Variants in GMPS observed in about 807,000 individuals in gnomAD.
The protein encoded by GMPS is GMP synthase [glutamine-hydrolyzing].
GMPS carries 15 observed loss-of-function variants against 77.9 expected under a neutral mutation model. The ratio of observed to expected loss-of-function variants is 0.19; its 90% CI spans 0.13 to 0.30. The LOEUF (loss-of-function observed/expected upper bound fraction) is 0.30, where lower values mean the gene tolerates loss of function less well. Ranked by LOEUF, GMPS falls within the 10% of genes least tolerant of loss-of-function variation. The probability of loss-of-function intolerance (pLI) is 1.00; values close to 1 mark genes in which losing one functional copy is unlikely to be tolerated. For missense variants in GMPS, 590 were observed against 838.8 expected (o/e 0.70, Z 3.66); for synonymous variants, 224 against 275.9 (o/e 0.81, Z 1.86).
At position 155,925,427 on chromosome 3, in the gene GMPS, C is replaced by A. The variant is rs186180173; in HGVS notation, c.1560+61C>A. On this transcript the variant is annotated intron_variant, in intron 12 of 15. Transcript: ENST00000496455. ...TTTTTTTTTTTTTCTTTTCTTGAGA[C>A]GGAGTCTCACTGTGTTGCCCAGGCT... 185 of 1,366,496 alleles carry A rather than the reference C, an allele frequency of 1.4e-4. No individual in the cohort carries two copies. The African/African-American group carries it at 2.5e-3, about 18-fold the overall frequency. The allele number at this position is 1,366,496 out of a possible 1,614,324, so 84.6% of individuals were successfully genotyped here.
Position 155,943,322 on chromosome 3 carries a change from T to C in GMPS, c.*5630T>C, listed in dbSNP as rs777019827. On this transcript the variant is annotated 3_prime_UTR_variant, in exon 16 of 16. Transcript: ENST00000496455. Reference sequence around the variant, plus strand: ...CTTGGTTAGCAAAATTATGAAAGTTTAGGAAATTTGGCTATTGAGTATATT... The same window carrying C: ...CTTGGTTAGCAAAATTATGAAAGTTCAGGAAATTTGGCTATTGAGTATATT... 2.8e-5 allele frequency: 5 copies of C among 181,264 alleles called. No individual in the cohort carries two copies. Among genetic ancestry groups the C allele is most frequent in the Non-Finnish European group, 4.7e-5 (4 of 84,836 alleles). The allele number at this position is 181,264 out of a possible 1,614,324, so 11.2% of individuals were successfully genotyped here.
At chr3:155,871,346 A>C (rs1400962068) in intron 1 of GMPS, among the ~76,000 whole-genome samples, 1 of 151,918 alleles carries the variant, frequency 6.6e-6, no homozygotes, top group Non-Finnish European at 1.5e-5. Context: ...AAGGCAGGGC[A>C]GGGTCGGGGC....
intron 12 of GMPS, among the ~76,000 whole-genome samples, chr3:155,925,660 T>C (rs538740167): frequency 3.0e-4 from 45 of 152,316 alleles, no homozygotes; most frequent in Non-Finnish European, 5.9e-5. Context: ...ATTTTGTAGT[T>C]TTGGAACATC....
chr3:155,893,402 T>A (rs1470037282), intron 1 of GMPS, 116 bp from the exon 2 acceptor site: 9 of 646,658 alleles, frequency 1.4e-5, no homozygotes, highest in Non-Finnish European at 2.3e-5. Flanking sequence ...ACTCAGAAAG[T>A]CCTAAGTTTT....
intron 1 of GMPS, among the ~76,000 whole-genome samples, chr3:155,873,333 GCT>G (rs1753946784): frequency 6.6e-6 from 1 of 151,996 alleles, no homozygotes; most frequent in Non-Finnish European, 1.5e-5. Flanking sequence ...TGTCACCCAA[GCT>G]GGAGTGCAGT....
At chr3:155,885,309 A>G (rs1754311328) in intron 1 of GMPS, among the ~76,000 whole-genome samples, 1 of 152,224 alleles carries the variant, frequency 6.6e-6, no homozygotes, top group Non-Finnish European at 1.5e-5. Flanking sequence ...TTGTGTACTC[A>G]GATTAAAGGA....
intron 14 of GMPS, among the ~76,000 whole-genome samples, 171 bp downstream of exon 14, chr3:155,935,217 T>C (rs987749894): frequency 6.6e-6 from 1 of 152,232 alleles, no homozygotes; most frequent in Non-Finnish European, 1.5e-5. Flanking sequence ...TCTGTCTTGC[T>C]CTGTCGCCCA....
intron 13 of GMPS, 57 bp downstream of exon 13, chr3:155,931,937 A>C: frequency 1.3e-6 from 1 of 792,484 alleles, no homozygotes; most frequent in South Asian, 1.5e-5. Flanking sequence ...GTATTTCTTA[A>C]GGGCTTTCAA....
At chr3:155,901,192 C>G (rs1260209335) in intron 3 of GMPS, among the ~76,000 whole-genome samples, 3 of 151,914 alleles carry the variant, frequency 2.0e-5, no homozygotes, top group Non-Finnish European at 4.4e-5. Flanking sequence ...TTATTCATTC[C>G]CTTTCTTTTT....
Position 155,895,940 on chromosome 3 carries a change from T to C in GMPS, c.210-1987T>C, listed in dbSNP as rs145046804. Reference sequence around the variant, plus strand: ...CTTTGTGAAACTAAATATAATATAATAGAATCTAGAGGTCTTGATTATTCA... The same window carrying C: ...CTTTGTGAAACTAAATATAATATAACAGAATCTAGAGGTCTTGATTATTCA... On this transcript the variant is annotated intron_variant, in intron 2 of 15. Transcript: ENST00000496455. Among the ~76,000 whole-genome samples, 18 of 152,264 alleles carry C rather than the reference T, an allele frequency of 1.2e-4. No homozygotes were observed. The East Asian group carries it at 3.5e-3, about 29-fold the overall frequency.
chr3:155,936,674 G>A (rs1179739918), intron 15 of GMPS, among the ~76,000 whole-genome samples, 164 bp downstream of exon 15: 1 of 151,656 alleles, frequency 6.6e-6, no homozygotes, highest in Non-Finnish European at 1.5e-5. Context: ...AATACACTGG[G>A]GCAGAAAAAG....
At chr3:155,892,852 G>A (rs371549447) in intron 1 of GMPS, among the ~76,000 whole-genome samples, 1 of 152,172 alleles carries the variant, frequency 6.6e-6, no homozygotes, top group Non-Finnish European at 1.5e-5. Context: ...GGCTGGTCTT[G>A]AACTCGTGAC....
intron 11 of GMPS, among the ~76,000 whole-genome samples, chr3:155,924,404 G>A (rs1755400519): frequency 6.6e-6 from 1 of 152,224 alleles, no homozygotes; most frequent in African/African-American, 2.4e-5. Flanking sequence ...ATGTTTAGCT[G>A]AAGTAACATG....
At position 155,917,637 on chromosome 3, in the gene GMPS, C is replaced by T. The variant is rs562211246; in HGVS notation, c.1212+1445C>T. On this transcript the variant is annotated intron_variant, in intron 9 of 15. Transcript: ENST00000496455. ...GGCTCATGCCTAGCGCTTTGGGAGGCTGAGGCGGGTGGATCACCTGGGGTC... is the reference window on the plus strand; with the variant it reads ...GGCTCATGCCTAGCGCTTTGGGAGGTTGAGGCGGGTGGATCACCTGGGGTC... Among the ~76,000 whole-genome samples the T allele has an allele frequency of 3.9e-5, 6 of 152,154 alleles. No homozygotes were observed. In the South Asian group the frequency reaches 1.2e-3, roughly 32 times the overall value.
chr3:155,896,945 CAA>C, intron 2 of GMPS, among the ~76,000 whole-genome samples: 1 of 151,964 alleles, frequency 6.6e-6, no homozygotes, highest in African/African-American at 2.4e-5. Flanking sequence ...TCTGCAAACT[CAA>C]AGTGAGTTAG....
At chr3:155,908,902 G>C (rs1286944273) in intron 5 of GMPS, among the ~76,000 whole-genome samples, 1 of 152,162 alleles carries the variant, frequency 6.6e-6, no homozygotes, top group African/African-American at 2.4e-5. Flanking sequence ...GAATTTTAAG[G>C]TGATGAGAGT....
chr3:155,922,048 A>T, intron 10 of GMPS, 139 bp from the exon 11 acceptor site: 1 of 477,912 alleles, frequency 2.1e-6, no homozygotes, highest in Non-Finnish European at 3.7e-6. Flanking sequence ...TAATAGCTAC[A>T]TTTGGATACT....
At chr3:155,877,075 GGAGAAC>G (rs1357731713) in intron 1 of GMPS, among the ~76,000 whole-genome samples, 5 of 152,248 alleles carry the variant, frequency 3.3e-5, no homozygotes, top group African/African-American at 1.2e-4. Context: ...TTTGCAATTT[GGAGAAC>G]GAGTCTCAGT....
At chr3:155,911,332 A>G (rs1304737945) in intron 7 of GMPS, 53 bp downstream of exon 7, 2 of 1,152,452 alleles carry the variant, frequency 1.7e-6, no homozygotes, top group Non-Finnish European at 2.5e-6. Flanking sequence ...TGTTTAATCA[A>G]ATCTAGTCTT....
Sources: allele counts gnomAD v4.1 joint callset (sites outside exome capture counted in the v4.1 genomes callset), GRCh38; gene constraint gnomAD v4.1.1; transcripts MANE v1.5; gene names NCBI Gene and HGNC (gene_info 2026-07-23, HGNC 2026-07-21).